The following TLE2 variants were observed in gnomAD, a reference collection of about 807,000 sequenced individuals.
TLE2 encodes the protein TLE family member 2, transcriptional corepressor.
TLE2 carries 74 observed loss-of-function variants against 97.2 expected under a neutral mutation model. The ratio of observed to expected loss-of-function variants is 0.76; its 90% CI spans 0.63 to 0.92. The LOEUF is 0.92. TLE2 is among the 40% of genes least tolerant of loss of function. TLE2 has a pLI of 0.00. For synonymous variants in TLE2, 499 were observed against 432.1 expected (o/e 1.15, Z -1.92); for missense variants, 1,038 against 1,008.7 (o/e 1.03, Z -0.39).
intron 5 of TLE2, among the ~76,000 whole-genome samples, chr19:3,021,926 T>G (rs60883500): frequency 4.6e-5 from 7 of 151,970 alleles, no homozygotes; most frequent in Non-Finnish European, 8.8e-5. Context: ...AGATTTCAGG[T>G]CGGGCGCAGT....
At chr19:3,002,668 T>TGA (rs1042328376) in intron 17 of TLE2, among the ~76,000 whole-genome samples, 165 bp from the exon 18 acceptor site, 5 of 151,140 alleles carry the variant, frequency 3.3e-5, no homozygotes, top group African/African-American at 1.2e-4. Flanking sequence ...CACCAGAAGC[T>TGA]GAGACTACAG....
intron 4 of TLE2, among the ~76,000 whole-genome samples, chr19:3,026,452 ATT>A (rs373109332): frequency 7.5e-6 from 1 of 132,482 alleles, no homozygotes; most frequent in African/African-American, 3.2e-5. Flanking sequence ...TTGTCTCAAA[ATT>A]TAAAAAAAAA....
At chr19:3,018,254 C>T (rs1246539079) in intron 7 of TLE2, among the ~76,000 whole-genome samples, 1 of 152,048 alleles carries the variant, frequency 6.6e-6, no homozygotes, top group East Asian at 1.9e-4. Context: ...ATCTCAGCCT[C>T]CCGAGTAGCT....
chr19:3,009,068 T>TTC (rs2089536388), intron 13 of TLE2, 123 bp from the exon 14 acceptor site: 1 of 685,914 alleles, frequency 1.5e-6, no homozygotes, highest in African/African-American at 1.9e-5. Context: ...CAGAGATGCC[T>TTC]TCTCTCTGCC....
chr19:3,002,304 GGTTTT>G (rs766819799), intron 18 of TLE2, 44 bp downstream of exon 18: 4 of 1,557,626 alleles, frequency 2.6e-6, no homozygotes, highest in Admixed American at 4.2e-5. Context: ...AGGCACCCTG[GGTTTT>G]GTTGGGGTTT....
intron 1 of TLE2, among the ~76,000 whole-genome samples, chr19:3,040,191 C>T (rs1284898825): frequency 6.6e-6 from 1 of 152,142 alleles, no homozygotes; most frequent in Non-Finnish European, 1.5e-5. Flanking sequence ...TCGCCATGGA[C>T]TCCCGTCTCT....
intron 5 of TLE2, among the ~76,000 whole-genome samples, chr19:3,024,706 C>T (rs1298455981): frequency 6.6e-6 from 1 of 152,226 alleles, no homozygotes; most frequent in African/African-American, 2.4e-5. Flanking sequence ...CCTGAGGCCA[C>T]ACAGCCAGGA....
chr19:3,047,508 A>ACC (rs71179949), upstream of TLE2: 61,269 of 144,236 alleles, frequency 0.42, 13,475 homozygotes, highest in Non-Finnish European at 0.51. Context: ...CGGGCTTGTG[A>ACC]CCCCCCCCCA....
At chr19:3,029,948 C>A (rs1378551445), upstream of TLE2, among the ~76,000 whole-genome samples, 1 of 152,060 alleles carries the variant, frequency 6.6e-6, no homozygotes. Context: ...AGGTGTGCAC[C>A]ACCACGCCCA....
intron 1 of TLE2, among the ~76,000 whole-genome samples, chr19:3,036,331 C>G (rs1815953158): frequency 6.6e-6 from 1 of 152,218 alleles, no homozygotes; most frequent in East Asian, 1.9e-4. Context: ...GGTACCTCTC[C>G]GGCCCGCGCT....
intron 11 of TLE2, among the ~76,000 whole-genome samples, chr19:3,013,378 G>A (rs569618098): frequency 6.6e-6 from 1 of 152,108 alleles, no homozygotes; most frequent in South Asian, 2.1e-4. Context: ...TTATTTCCAT[G>A]GGATTTCCTA....
Position 3,027,828 on chromosome 19 carries a change from C to T in TLE2, c.231+1G>A, listed in dbSNP as rs2089971023. ...AACACGCGTAACCCCAACCCAGTTA[C>T]CTGCTTATGCATTTCAATGTTGAGC... On this transcript the variant is annotated splice_donor_variant, in intron 4 of 19. Coordinates refer to ENST00000262953, the MANE Select transcript of TLE2 (RefSeq NM_003260.5). LOFTEE classifies it high-confidence loss of function. 1 of 1,611,346 alleles carries T rather than the reference C, an allele frequency of 6.2e-7. No individual in the cohort carries two copies. The highest frequency in any genetic ancestry group is 8.5e-7 in the Non-Finnish European group (1 of 1,178,984).
At chr19:2,998,756 A>G (rs1451039684) in intron 19 of TLE2, among the ~76,000 whole-genome samples, 1 of 152,174 alleles carries the variant, frequency 6.6e-6, no homozygotes, top group African/African-American at 2.4e-5. Flanking sequence ...AGCTAAGTCC[A>G]ATGGGCAGAA....
intron 7 of TLE2, among the ~76,000 whole-genome samples, chr19:3,018,277 G>T (rs910574062): frequency 1.3e-5 from 2 of 151,338 alleles, no homozygotes; most frequent in South Asian, 2.1e-4. Context: ...GACTCCAGGG[G>T]CATGCCACCA....
rs570888309 is a variant in TLE2 at position 3,019,150 on chromosome 19, G to A, written c.550+133C>T. 67 of 1,297,858 alleles carry A rather than the reference G, an allele frequency of 5.2e-5. No homozygotes were observed. The highest frequency in any genetic ancestry group is 3.0e-4 in the South Asian group (21 of 69,324). 80.4% of individuals were successfully genotyped at this position (1,297,858 alleles called of 1,614,324 possible). On this transcript the variant is annotated intron_variant, in intron 7 of 19. Coordinates refer to ENST00000262953, the MANE Select transcript of TLE2 (RefSeq NM_003260.5). This position sits in a 1 kb window ranked among gnomAD's most constrained non-coding sequence, Gnocchi z 5.1. ...TGGGCTCAAGCGATCCTCCCGCCTC[G>A]GCCTCCCAAATTGTTGGGATTATAG...
At chr19:3,001,364 C>T (rs192516001) in intron 18 of TLE2, among the ~76,000 whole-genome samples, 304 of 152,210 alleles carry the variant, frequency 2.0e-3, no homozygotes, top group Non-Finnish European at 2.8e-3. Flanking sequence ...ATCCTCCCAC[C>T]GTGGTCTACC....
At position 3,028,862 on chromosome 19, in the gene TLE2, C is replaced by T. The variant is rs1334204957; in HGVS notation, c.24+19G>A. On this transcript the variant is annotated intron_variant, in intron 1 of 19. Transcript: ENST00000262953. ...AGTTCCCGGACACTGGGGGCCCCCT[C>T]CCCGCAGTCCGCACTCACCGGGTGC... is the stretch of plus-strand genomic sequence containing the variant. The T allele has an allele frequency of 1.9e-6, 3 of 1,611,590 alleles. No individual in the cohort carries two copies. In the African/African-American group the frequency reaches 4.0e-5, roughly 22 times the overall value.
At chr19:3,034,914 A>AG (rs985493225) in intron 1 of TLE2, among the ~76,000 whole-genome samples, 1 of 152,108 alleles carries the variant, frequency 6.6e-6, no homozygotes, top group African/African-American at 2.4e-5. Flanking sequence ...CACAGGAGCG[A>AG]GCTAAGGATG....
chr19:3,001,633 G>A (rs79884873), intron 18 of TLE2, among the ~76,000 whole-genome samples: 165 of 151,590 alleles, frequency 1.1e-3, no homozygotes, highest in African/African-American at 3.9e-3. Flanking sequence ...CTACAGGTGC[G>A]ACCTACTGGC....
Sources: gnomAD v4.1 joint callset for allele counts (sites outside exome capture counted in the v4.1 genomes callset) on GRCh38, gnomAD v4.1.1 for gene constraint, Gnocchi (gnomAD v3.1) non-coding constraint, MANE v1.5 for transcripts, NCBI Gene and HGNC (gene_info 2026-07-23, HGNC 2026-07-21) for gene names.